CENPM: variants seen among roughly 807,000 people sequenced by gnomAD.
CENPM encodes interphase centromere complex protein 39.
Under a neutral mutation model 19.6 loss-of-function variants are expected in CENPM, and 14 were observed. That is an observed-to-expected ratio of 0.71 (90% CI 0.47 to 1.11). The LOEUF is 1.11. Among genes scored for constraint, CENPM ranks in the 50% most tolerant of loss-of-function variants. The pLI, the probability that CENPM is intolerant of heterozygous loss-of-function variation, is 0.00. For missense variants in CENPM, 239 were observed against 228.4 expected (o/e 1.05, Z -0.30); for synonymous variants, 114 against 101.5 (o/e 1.12, Z -0.74).
chr22:41,939,402 A>G (rs1012685672), intron 5 of CENPM, among the ~76,000 whole-genome samples: 1 of 151,926 alleles, frequency 6.6e-6, no homozygotes, highest in African/African-American at 2.4e-5. Context: ...CCTTCAAACA[A>G]CCTCCGGAGA....
the CENPM span, among the ~76,000 whole-genome samples, chr22:41,930,232 C>A: frequency 1.1e-4 from 16 of 144,746 alleles, no homozygotes; most frequent in Middle Eastern, 4.3e-3. Flanking sequence ...TGAGCCACCG[C>A]GTCCCTTTTT....
chr22:41,928,142 C>A, the CENPM span: 1 of 408,178 alleles, frequency 2.4e-6, no homozygotes, highest in South Asian at 1.9e-5. This position sits in a 1 kb window ranked among gnomAD's most constrained non-coding sequence, Gnocchi z 4.0. Context: ...GCCACTGGGG[C>A]TTTGTGCAGG....
chr22:41,945,737 T>C (rs1234408059), intron 3 of CENPM, among the ~76,000 whole-genome samples, 176 bp downstream of exon 3: 1 of 151,992 alleles, frequency 6.6e-6, no homozygotes, highest in Non-Finnish European at 1.5e-5. Context: ...TGCCCGGCCG[T>C]TGTGTATTTT....
intron 4 of CENPM, chr22:41,944,889 G>T (rs2077781093): frequency 3.6e-6 from 4 of 1,119,994 alleles, no homozygotes; most frequent in Middle Eastern, 8.2e-4. Context: ...GCTGACAACA[G>T]GTCAGATTCC....
chr22:41,945,669 C>T (rs1366850979), intron 3 of CENPM, among the ~76,000 whole-genome samples: 1 of 152,000 alleles, frequency 6.6e-6, no homozygotes, highest in Non-Finnish European at 1.5e-5. Context: ...AGGCTGGTCT[C>T]GGGCAATCTG....
downstream of CENPM, among the ~76,000 whole-genome samples, chr22:41,937,617 CAT>C (rs142771555): frequency 0.016 from 2,440 of 152,266 alleles, 67 homozygotes; most frequent in African/African-American, 0.055. Flanking sequence ...GGCATTAACA[CAT>C]GTTATGAACA....
intron 1 of CENPM, 156 bp from the exon 2 acceptor site, chr22:41,946,652 C>T (rs2146621450): frequency 3.1e-6 from 2 of 653,236 alleles, no homozygotes; most frequent in East Asian, 5.5e-5. Context: ...GCGGCACGGG[C>T]TGGGGGCCTG....
rs79667167 is a variant in CENPM at position 41,944,724 on chromosome 22, G to C, written c.310+501C>G. 5.5e-4 allele frequency: 543 copies of C among 985,436 alleles called. 4 individuals are homozygous for C. The African/African-American group carries it at 9.1e-3, about 17-fold the overall frequency. 61.0% of individuals were successfully genotyped at this position (985,436 alleles called of 1,614,324 possible). A position where few individuals can be genotyped will look rare whatever the true frequency, so the allele number is the denominator to read the frequency against. ...AGAACGATAAGCTGACCCAGAGAAG[G>C]AGAGTCACCGGAGATGAGACTAGCT... On this transcript the variant is annotated intron_variant, in intron 4 of 5. Coordinates refer to ENST00000215980, the MANE Select transcript of CENPM (RefSeq NM_024053.5).
chr22:41,929,413 G>A, the CENPM span, among the ~76,000 whole-genome samples: 2 of 152,330 alleles, frequency 1.3e-5, no homozygotes, highest in South Asian at 2.1e-4. Context: ...CCTGTCCCTG[G>A]AGAGGGTGGC....
At chr22:41,945,715 T>A (rs1273426854) in intron 3 of CENPM, among the ~76,000 whole-genome samples, 198 bp downstream of exon 3, 2 of 152,094 alleles carry the variant, frequency 1.3e-5, no homozygotes, top group African/African-American at 4.8e-5. Flanking sequence ...GGATTACAGG[T>A]GTGAGCCATT....
intron 1 of CENPM, 38 bp downstream of exon 1, chr22:41,946,982 G>A (rs780177176): frequency 6.2e-7 from 1 of 1,608,678 alleles, no homozygotes; most frequent in South Asian, 1.1e-5. Context: ...CGCCCAGGAG[G>A]AAAAACCGGC....
At chr22:41,934,079 G>A (rs966760976), downstream of CENPM, among the ~76,000 whole-genome samples, 1 of 152,202 alleles carries the variant, frequency 6.6e-6, no homozygotes, top group Non-Finnish European at 1.5e-5. Flanking sequence ...ACCCCAAGTC[G>A]GTGGGACTCG....
chr22:41,938,863 A>G lies in CENPM; in HGVS notation c.*193T>C, dbSNP rs2077697812. On this transcript the variant is annotated 3_prime_UTR_variant, in exon 6 of 6. Coordinates refer to ENST00000215980, the MANE Select transcript of CENPM (RefSeq NM_024053.5). ...GAGTGTGGGAGTGGGAGGGGGCTAC[A>G]GTCTCGCCAGCTGGGCCCCCTCGCT... 1.7e-6 allele frequency: 1 copy of G among 601,262 alleles called. No individual in the cohort carries two copies. Among genetic ancestry groups the G allele is most frequent in the Non-Finnish European group, 2.8e-6 (1 of 350,932 alleles). 37.2% of individuals were successfully genotyped at this position (601,262 alleles called of 1,614,324 possible).
the CENPM span, chr22:41,928,212 C>T: frequency 1.3e-5 from 5 of 386,288 alleles, no homozygotes; most frequent in African/African-American, 4.3e-5. The surrounding 1 kb of genome is among the most constrained non-coding windows in gnomAD (Gnocchi z 4.0). Flanking sequence ...GAGGGAAGCC[C>T]GCCCACACCT....
At chr22:41,928,155 G>T in the CENPM span, 1 of 429,448 alleles carries the variant, frequency 2.3e-6, no homozygotes, top group Non-Finnish European at 4.7e-6. This position sits in a 1 kb window ranked among gnomAD's most constrained non-coding sequence, Gnocchi z 4.0. Context: ...TGTGCAGGGA[G>T]GACCCAGGAA....
intron 5 of CENPM, chr22:41,940,102 C>CTA: frequency 1.3e-6 from 1 of 751,422 alleles, no homozygotes; most frequent in South Asian, 1.4e-5. Flanking sequence ...CCGCCCTTTG[C>CTA]TATTGTGCTG....
intron 4 of CENPM, chr22:41,944,968 G>A: frequency 7.5e-7 from 1 of 1,334,800 alleles, no homozygotes; most frequent in Non-Finnish European, 9.7e-7. Context: ...GGGTACATGT[G>A]CAGATTTGTT....
At position 41,938,737 on chromosome 22, in the gene CENPM, T is replaced by C. The variant is rs2077696560; in HGVS notation, c.*319A>G. The C allele has an allele frequency of 7.3e-6, 2 of 273,218 alleles. No individual in the cohort carries two copies. Among genetic ancestry groups the C allele is most frequent in the East Asian group, 6.9e-5 (1 of 14,532 alleles). The allele number at this position is 273,218 out of a possible 1,614,324, so 16.9% of individuals were successfully genotyped here. On this transcript the variant is annotated 3_prime_UTR_variant, in exon 6 of 6. Coordinates refer to ENST00000215980, the MANE Select transcript of CENPM (RefSeq NM_024053.5). ...AAGTCAAAGTGGTGAATGAGACCAG[T>C]GATTTTTAAACTTTTTTTAGCCACA...
At chr22:41,945,731 C>T (rs529051447) in intron 3 of CENPM, among the ~76,000 whole-genome samples, 182 bp downstream of exon 3, 12 of 152,164 alleles carry the variant, frequency 7.9e-5, no homozygotes, top group Non-Finnish European at 1.2e-4. Context: ...CCATTGTGCC[C>T]GGCCGTTGTG....
Sources: gnomAD v4.1 joint callset for allele counts (sites outside exome capture counted in the v4.1 genomes callset) on GRCh38, gnomAD v4.1.1 for gene constraint, Gnocchi (gnomAD v3.1) non-coding constraint, MANE v1.5 for transcripts, NCBI Gene and HGNC (gene_info 2026-07-23, HGNC 2026-07-21) for gene names.